Variants in SLCO2A1 observed in about 807,000 individuals in gnomAD.
The protein encoded by SLCO2A1 is solute carrier organic anion transporter family member 2A1, also known as matrin F/G 1.
A neutral mutation model predicts 71.7 loss-of-function variants in SLCO2A1; 60 were observed. The ratio of observed to expected loss-of-function variants is 0.84; its 90% CI spans 0.68 to 1.04. SLCO2A1 has a LOEUF of 1.04. Among genes scored for constraint, SLCO2A1 ranks in the 50% least tolerant of loss-of-function variants. The pLI is 0.00. For missense variants in SLCO2A1, 745 were observed against 813.4 expected (o/e 0.92, Z 1.02); for synonymous variants, 308 against 326.7 (o/e 0.94, Z 0.62).
rs1304789371 is a variant in SLCO2A1 at position 133,934,374 on chromosome 3, AT to A, written c.*338del. Reference sequence around the variant, plus strand: ...TACCCTTTTTCTCTCTCTGTTTAGGATTCCCCCCAGGGCTGGTGAGGGGCCT... The same window carrying A: ...TACCCTTTTTCTCTCTCTGTTTAGGATCCCCCCAGGGCTGGTGAGGGGCCT... On this transcript the variant is annotated 3_prime_UTR_variant, in exon 14 of 14. Transcript: ENST00000310926. 5.4e-6 allele frequency: 1 copy of A among 185,160 alleles called. No homozygotes were observed. The highest frequency in any genetic ancestry group is 1.4e-4 in the East Asian group (1 of 7,048). The allele number at this position is 185,160 out of a possible 1,614,324, so 11.5% of individuals were successfully genotyped here.
At chr3:133,943,323 AT>A (rs1933483405) in intron 10 of SLCO2A1, among the ~76,000 whole-genome samples, 2 of 152,186 alleles carry the variant, frequency 1.3e-5, no homozygotes, top group South Asian at 4.1e-4. Context: ...ATATGGCTCA[AT>A]ACTGTTGTCC....
intron 1 of SLCO2A1, among the ~76,000 whole-genome samples, chr3:134,022,123 T>C (rs1342239558): frequency 6.6e-6 from 1 of 150,982 alleles, no homozygotes. Context: ...GAGTATTATA[T>C]GGTAAATTCT....
chr3:133,964,897 G>A (rs2108050629), intron 3 of SLCO2A1, among the ~76,000 whole-genome samples: 1 of 152,322 alleles, frequency 6.6e-6, no homozygotes, highest in East Asian at 1.9e-4. Context: ...CCCTGGCCCA[G>A]CACATGGTCT....
chr3:133,934,587 G>T lies in SLCO2A1; in HGVS notation c.*126C>A, dbSNP rs1043305957. 6 of 702,754 alleles carry T rather than the reference G, an allele frequency of 8.5e-6. No individual in the cohort carries two copies. Among genetic ancestry groups the T allele is most frequent in the East Asian group, 8.0e-5 (3 of 37,610 alleles). The allele number at this position is 702,754 out of a possible 1,614,324, so 43.5% of individuals were successfully genotyped here. A position where few individuals can be genotyped will look rare whatever the true frequency, so the allele number is the denominator to read the frequency against. On this transcript the variant is annotated 3_prime_UTR_variant, in exon 14 of 14. Coordinates refer to ENST00000310926, the MANE Select transcript of SLCO2A1 (RefSeq NM_005630.3). ...AGGAAGAGGTAGGGAAGGCAAATGA[G>T]GACTGGGGTTTTCTTTCTTGTTTAA...
chr3:133,973,590 G>T, intron 3 of SLCO2A1, 73 bp downstream of exon 3: 1 of 1,517,928 alleles, frequency 6.6e-7, no homozygotes, highest in South Asian at 1.2e-5. Context: ...ACTGCCCTAG[G>T]AGTATCCCCA....
At chr3:133,994,873 C>T (rs1934931140) in intron 1 of SLCO2A1, among the ~76,000 whole-genome samples, 1 of 152,136 alleles carries the variant, frequency 6.6e-6, no homozygotes, top group African/African-American at 2.4e-5. Flanking sequence ...ACCTGCTTGG[C>T]CACCTCCAGT....
At chr3:133,959,887 G>A (rs1358701775) in intron 3 of SLCO2A1, among the ~76,000 whole-genome samples, 1 of 152,022 alleles carries the variant, frequency 6.6e-6, no homozygotes, top group Non-Finnish European at 1.5e-5. Context: ...TTGGGAGGCT[G>A]AGGCGGGCAG....
intron 1 of SLCO2A1, 134 bp downstream of exon 1, chr3:134,029,573 T>G: frequency 1.9e-5 from 12 of 616,890 alleles, no homozygotes; most frequent in East Asian, 1.3e-4. Flanking sequence ...CGCCCGGGGA[T>G]GAGATCGGAG....
intron 1 of SLCO2A1, among the ~76,000 whole-genome samples, chr3:134,022,481 CTG>C (rs746647338): frequency 2.0e-5 from 3 of 152,122 alleles, no homozygotes; most frequent in Non-Finnish European, 2.9e-5. Flanking sequence ...AAAGAAAATT[CTG>C]TGTGTAAACA....
intron 3 of SLCO2A1, among the ~76,000 whole-genome samples, chr3:133,965,857 C>T (rs1240900809): frequency 6.6e-6 from 1 of 152,156 alleles, no homozygotes; most frequent in Non-Finnish European, 1.5e-5. Context: ...CTGTTTCCAC[C>T]ACTGTGGACT....
intron 1 of SLCO2A1, among the ~76,000 whole-genome samples, chr3:133,983,955 GC>G (rs1039481230): frequency 6.6e-6 from 1 of 152,186 alleles, no homozygotes; most frequent in African/African-American, 2.4e-5. Flanking sequence ...CAGCCTGAGG[GC>G]CAGGAAGAGG....
At chr3:133,952,791 T>A (rs1057036139) in intron 5 of SLCO2A1, among the ~76,000 whole-genome samples, 2 of 152,182 alleles carry the variant, frequency 1.3e-5, no homozygotes, top group Non-Finnish European at 2.9e-5. Flanking sequence ...ATTTTACAGA[T>A]GAGGAAGCTG....
intron 2 of SLCO2A1, among the ~76,000 whole-genome samples, chr3:133,974,800 A>G (rs1471392937): frequency 6.6e-6 from 1 of 152,148 alleles, no homozygotes; most frequent in African/African-American, 2.4e-5. Context: ...CCTGGACTGG[A>G]GGAGCTCTGT....
chr3:133,986,345 T>C (rs1934714011), intron 1 of SLCO2A1, among the ~76,000 whole-genome samples: 1 of 152,256 alleles, frequency 6.6e-6, no homozygotes, highest in African/African-American at 2.4e-5. Context: ...TTTGACAGGT[T>C]CAAAACCCAG....
Position 134,029,777 on chromosome 3 carries a change from G to A in SLCO2A1, c.26C>T (p.Ala9Val), listed in dbSNP as rs1290884922. Residue 9 changes from alanine (A) to valine (V), a missense_variant, in exon 1 of 14, where the codon GCG (alanine) becomes GTG (valine). Ala to Val is a moderately conservative substitution (Grantham distance 64, BLOSUM62 0). Coordinates refer to ENST00000310926, the MANE Select transcript of SLCO2A1 (RefSeq NM_005630.3). The part of the protein sequence containing the change: MGLLPKLG[A>V]SQGSDTSTSR... ...AGTAGAGGTGTCGCTGCCCTGGGACGCGCCGAGCTTGGGCAGGAGCCCCAT... is the reference window on the plus strand; with the variant it reads ...AGTAGAGGTGTCGCTGCCCTGGGACACGCCGAGCTTGGGCAGGAGCCCCAT... The A allele has an allele frequency of 3.2e-6, 5 of 1,551,114 alleles. No individual in the cohort carries two copies. Among genetic ancestry groups the A allele is most frequent in the South Asian group, 1.2e-5 (1 of 83,846 alleles).
chr3:133,994,483 G>C (rs756262241), intron 1 of SLCO2A1, among the ~76,000 whole-genome samples: 1 of 152,210 alleles, frequency 6.6e-6, no homozygotes, highest in African/African-American at 2.4e-5. Context: ...TGCCATTTGT[G>C]ATGTCACTTG....
At chr3:134,007,472 T>A (rs1935245045) in intron 1 of SLCO2A1, among the ~76,000 whole-genome samples, 1 of 152,228 alleles carries the variant, frequency 6.6e-6, no homozygotes, top group South Asian at 2.1e-4. Context: ...GATCTTTTAT[T>A]CATTTGAAGT....
At chr3:133,968,404 C>T (rs902275745) in intron 3 of SLCO2A1, among the ~76,000 whole-genome samples, 1 of 152,148 alleles carries the variant, frequency 6.6e-6, no homozygotes, top group African/African-American at 2.4e-5. Flanking sequence ...AGGCTGAGCT[C>T]CCTGTCCTCA....
intron 1 of SLCO2A1, among the ~76,000 whole-genome samples, chr3:133,989,832 A>G (rs1245267405): frequency 6.6e-6 from 1 of 152,212 alleles, no homozygotes; most frequent in African/African-American, 2.4e-5. Flanking sequence ...AAGAGGATTT[A>G]GCACAGTTAT....
Sources: allele counts gnomAD v4.1 joint callset (sites outside exome capture counted in the v4.1 genomes callset), GRCh38; gene constraint gnomAD v4.1.1; transcripts MANE v1.5; gene names NCBI Gene and HGNC (gene_info 2026-07-23, HGNC 2026-07-21).